Variants in PCED1A observed in about 807,000 individuals in gnomAD.
PCED1A encodes PC-esterase domain containing 1A, also known as PC-esterase domain-containing protein 1A.
A neutral mutation model predicts 41.9 loss-of-function variants in PCED1A; 20 were observed. The observed-to-expected ratio is 0.48, with a 90% CI of 0.34 to 0.69. PCED1A has a LOEUF of 0.69. PCED1A is among the 30% of genes least tolerant of loss of function. The probability of loss-of-function intolerance (pLI) is 0.01; values close to 1 mark genes in which losing one functional copy is unlikely to be tolerated. For missense variants in PCED1A, 498 were observed against 602.1 expected (o/e 0.83, Z 1.81); for synonymous variants, 236 against 241.3 (o/e 0.98, Z 0.20).
In PCED1A at chr20:2,840,193, C is replaced by T. The variant is rs1438778653; in HGVS notation, c.-22+18G>A. On this transcript the variant is annotated intron_variant, in intron 1 of 7. Transcript: ENST00000360652. ...CGCCGCCGTCCCGCGCATGCGCGCA[C>T]CCGCTCGCGCCAATTACCAAGTCCC... 6 of 321,938 alleles carry T rather than the reference C, an allele frequency of 1.9e-5. No homozygotes were observed. The highest frequency in any genetic ancestry group is 2.2e-5 in the Non-Finnish European group (4 of 178,240). 19.9% of individuals were successfully genotyped at this position (321,938 alleles called of 1,614,324 possible).
Position 2,840,631 on chromosome 20 carries a change from G to A in PCED1A, c.-442C>T. The A allele has an allele frequency of 4.5e-6, 4 of 891,998 alleles. No homozygotes were observed. The highest frequency in any genetic ancestry group is 3.0e-5 in the South Asian group (2 of 66,536). 55.3% of individuals were successfully genotyped at this position (891,998 alleles called of 1,614,324 possible). On this transcript the variant is annotated 5_prime_UTR_variant, in exon 1 of 8. Coordinates refer to ENST00000360652, the MANE Select transcript of PCED1A (RefSeq NM_022760.6). ...TACGGGCTGGGGTCTCGGGGCGGCA[G>A]CCAAGTGAGGCTGCCCACAGTGGTG...
At position 2,835,454 on chromosome 20, in the gene PCED1A, G is replaced by A. The variant is rs748619415; in HGVS notation, c.*8C>T. 12 of 1,597,622 alleles carry A rather than the reference G, an allele frequency of 7.5e-6. No homozygotes were observed. The highest frequency in any genetic ancestry group is 5.1e-5 in the Admixed American group (3 of 59,346). On this transcript the variant is annotated 3_prime_UTR_variant, in exon 8 of 8. Coordinates refer to ENST00000360652, the MANE Select transcript of PCED1A (RefSeq NM_022760.6). ...ATTGGCACATCCAGTCCCAGCCCAA[G>A]ATCCAGTCTACCCAGGCCATGTCCC...
Position 2,840,546 on chromosome 20 carries a change from G to A in PCED1A, c.-357C>T. 1.8e-6 allele frequency: 1 copy of A among 568,650 alleles called. No homozygotes were observed. Among genetic ancestry groups the A allele is most frequent in the Non-Finnish European group, 3.1e-6 (1 of 324,076 alleles). The allele number at this position is 568,650 out of a possible 1,614,324, so 35.2% of individuals were successfully genotyped here. ...CCGAAGGGAAAGCAAGGCGATGGAG[G>A]TGGCCGCCACAGGGCGCAGGAGCCA... On this transcript the variant is annotated 5_prime_UTR_variant, in exon 1 of 8. Transcript: ENST00000360652.
chr20:2,838,383 G>A lies in PCED1A; in HGVS notation c.690C>T (p.Asp230=). ...CTGCATGCCGGAAGTGAAAGTGGAG[G>A]TCTAGGACATCAAAGCAGTGGTCCC... ...LAGDHCFDVL[D]LHFHFRHAVQ... Residue 230 remains aspartate, a synonymous_variant, in exon 6 of 8, where the codon GAC becomes GAT. Transcript: ENST00000360652. The surrounding 1 kb of genome is among the most constrained non-coding windows in gnomAD (Gnocchi z 5.8). 6.2e-7 allele frequency: 1 copy of A among 1,614,262 alleles called. No homozygotes were observed. Among genetic ancestry groups the A allele is most frequent in the Non-Finnish European group, 8.5e-7 (1 of 1,180,042 alleles).
Position 2,838,637 on chromosome 20 carries a change from G to A in PCED1A, c.553C>T (p.Pro185Ser). The change falls in exon 5 of 8, where the codon CCC (proline) becomes TCC (serine). Residue 185 changes from proline to serine, a missense_variant. Physicochemically the swap from Pro to Ser is moderately conservative, Grantham distance 74. This residue lies in a region of PCED1A where 253 missense variants were observed against 369.7 expected (regional missense o/e 0.68). Coordinates refer to ENST00000360652, the MANE Select transcript of PCED1A (RefSeq NM_022760.6). The surrounding 1 kb of genome is among the most constrained non-coding windows in gnomAD (Gnocchi z 5.8). The stretch of plus-strand genomic sequence containing the variant: ...CCCCCAGTGATACGTTCCCCGAGGG[G>A]CATCGCCATGTTCCACACCAGCAGG... ...SCLLVWNMAM[P>S]LGERITGGFL... The A allele has an allele frequency of 6.2e-7, 1 of 1,614,206 alleles. No individual in the cohort carries two copies. Among genetic ancestry groups the A allele is most frequent in the Non-Finnish European group, 8.5e-7 (1 of 1,180,042 alleles).
intron 6 of PCED1A, among the ~76,000 whole-genome samples, chr20:2,836,739 C>T (rs1305549804): frequency 1.3e-5 from 2 of 152,168 alleles, no homozygotes; most frequent in Non-Finnish European, 2.9e-5. Flanking sequence ...TCACTCCCTC[C>T]TTTAATCCAA....
intron 6 of PCED1A, among the ~76,000 whole-genome samples, chr20:2,836,905 G>A (rs949605809): frequency 3.9e-5 from 6 of 152,090 alleles, no homozygotes; most frequent in African/African-American, 1.4e-4. Flanking sequence ...CCTCTTTCCT[G>A]CCAATCCAAA....
At position 2,839,085 on chromosome 20, in the gene PCED1A, A is replaced by ATGGGGCCCCC; in HGVS notation, c.205-4_205-3insGGGGGCCCCA. The ATGGGGCCCCC allele has an allele frequency of 2.0e-6, 1 of 491,572 alleles. No homozygotes were observed. Among genetic ancestry groups the ATGGGGCCCCC allele is most frequent in the Non-Finnish European group, 3.5e-6 (1 of 287,740 alleles). The allele number at this position is 491,572 out of a possible 1,614,324, so 30.5% of individuals were successfully genotyped here. A position where few individuals can be genotyped will look rare whatever the true frequency, so the allele number is the denominator to read the frequency against. On this transcript the variant is annotated splice_region_variant and splice_polypyrimidine_tract_variant and intron_variant, in intron 3 of 7. Coordinates refer to ENST00000360652, the MANE Select transcript of PCED1A (RefSeq NM_022760.6). ...TCCTGTTCAAAGCTCAGCTCCCCCT[A>ATGGGGCCCCC]CCCACCCCCCCCACCCTACTGGTCA...
rs1267574990 is a variant in PCED1A at position 2,838,088 on chromosome 20, GTT to G, written c.841+142_841+143del. On this transcript the variant is annotated intron_variant, in intron 6 of 7. Transcript: ENST00000360652. This position sits in a 1 kb window ranked among gnomAD's most constrained non-coding sequence, Gnocchi z 5.8. Reference sequence around the variant, plus strand: ...TCCGATGATCTAACCCTCCTCAGGGGTTGAGGAAGGTGCATGCAGAAGCCACA... The same window carrying G: ...TCCGATGATCTAACCCTCCTCAGGGGGAGGAAGGTGCATGCAGAAGCCACA... 3.4e-6 allele frequency: 4 copies of G among 1,191,162 alleles called. No homozygotes were observed. The African/African-American group carries it at 6.0e-5, about 18-fold the overall frequency. The allele number at this position is 1,191,162 out of a possible 1,614,324, so 73.8% of individuals were successfully genotyped here.
At chr20:2,837,703 A>G (rs1599950924) in intron 6 of PCED1A, among the ~76,000 whole-genome samples, 1 of 152,158 alleles carries the variant, frequency 6.6e-6, no homozygotes, top group African/African-American at 2.4e-5. Flanking sequence ...ACCAAGCTGC[A>G]CCAGTCACAG....
chr20:2,835,374 G>C lies in PCED1A; in HGVS notation c.*88C>G, dbSNP rs955651840. On this transcript the variant is annotated 3_prime_UTR_variant, in exon 8 of 8. Coordinates refer to ENST00000360652, the MANE Select transcript of PCED1A (RefSeq NM_022760.6). Reference sequence around the variant, plus strand: ...CAGCAATGGACAAGAACAATACCAGGCATAGCAGACACCCTAGCCCAGTAC... The same window carrying C: ...CAGCAATGGACAAGAACAATACCAGCCATAGCAGACACCCTAGCCCAGTAC... 6.1e-6 allele frequency: 9 copies of C among 1,464,892 alleles called. No individual in the cohort carries two copies. In the African/African-American group the frequency reaches 1.3e-4, roughly 21 times the overall value. The allele number at this position is 1,464,892 out of a possible 1,614,324, so 90.7% of individuals were successfully genotyped here.
chr20:2,840,441 A>T lies in PCED1A; in HGVS notation c.-252T>A. On this transcript the variant is annotated 5_prime_UTR_variant, in exon 1 of 8. Coordinates refer to ENST00000360652, the MANE Select transcript of PCED1A (RefSeq NM_022760.6). ...GTCGCTGTGGCCCCGACGGCGCCTC[A>T]GGCCTCGGCGCCTCGGGCTGCGACG... is the stretch of plus-strand genomic sequence containing the variant. 4.9e-6 allele frequency: 2 copies of T among 409,088 alleles called. No individual in the cohort carries two copies. The highest frequency in any genetic ancestry group is 8.8e-6 in the Non-Finnish European group (2 of 226,568). The allele number at this position is 409,088 out of a possible 1,614,324, so 25.3% of individuals were successfully genotyped here.
upstream of PCED1A, chr20:2,840,956 G>A: frequency 1.1e-6 from 1 of 887,350 alleles, no homozygotes; most frequent in Non-Finnish European, 1.7e-6. Flanking sequence ...CTCCCCGAGC[G>A]TCTGCCACTT....
In PCED1A at chr20:2,835,334, T is replaced by C; in HGVS notation, c.*128A>G. The stretch of plus-strand genomic sequence containing the variant: ...AGGAATTTGTCACTCTGTTCTTCCA[T>C]GCCTTTATTGGTGACAGCAATGGAC... On this transcript the variant is annotated 3_prime_UTR_variant, in exon 8 of 8. Coordinates refer to ENST00000360652, the MANE Select transcript of PCED1A (RefSeq NM_022760.6). 26 of 1,227,572 alleles carry C rather than the reference T, an allele frequency of 2.1e-5. No individual in the cohort carries two copies. Among genetic ancestry groups the C allele is most frequent in the Non-Finnish European group, 2.9e-5 (26 of 910,316 alleles). 76.0% of individuals were successfully genotyped at this position (1,227,572 alleles called of 1,614,324 possible). A position where few individuals can be genotyped will look rare whatever the true frequency, so the allele number is the denominator to read the frequency against.
rs2088871846 is a variant in PCED1A, at chr20:2,838,310, G to A, written c.763C>T (p.Arg255Cys). The A allele has an allele frequency of 6.2e-7, 1 of 1,614,228 alleles. No homozygotes were observed. Among genetic ancestry groups the A allele is most frequent in the Non-Finnish European group, 8.5e-7 (1 of 1,180,034 alleles). The stretch of plus-strand genomic sequence containing the variant: ...GTCAGAAGCAGGTGTGAGAGGTGGC[G>A]GTGTGCATGCTGGTCCCAGTGGACA... ...DGVHWDQHAH[R>C]HLSHLLLTHV... is the part of the protein sequence containing the mutation. Residue 255 changes from arginine (R) to cysteine (C), a missense_variant, in exon 6 of 8, where the codon CGC (arginine) becomes TGC (cysteine). Coordinates refer to ENST00000360652, the MANE Select transcript of PCED1A (RefSeq NM_022760.6). The surrounding 1 kb of genome is among the most constrained non-coding windows in gnomAD (Gnocchi z 5.8).
rs374175667 is a variant in PCED1A at position 2,835,591 on chromosome 20, A to G, written c.1236T>C (p.Pro412=). 20 of 1,614,036 alleles carry G rather than the reference A, an allele frequency of 1.2e-5. No homozygotes were observed. Among genetic ancestry groups the G allele is most frequent in the Non-Finnish European group, 1.6e-5 (19 of 1,179,998 alleles). Residue 412 remains proline, a synonymous_variant, in exon 8 of 8, where the codon CCT becomes CCC. Transcript: ENST00000360652. ...TTCTCCGCACATGGTAGGGGCTGTT[A>G]GGAACATAGCGTGGCATCCCCCGGT... The part of the protein sequence containing the change: ...VVHRGMPRYV[P]NSPYHVRRMG...
In PCED1A at chr20:2,836,397, T is replaced by C. The variant is rs966432609; in HGVS notation, c.842-83A>G. 3 of 1,236,178 alleles carry C rather than the reference T, an allele frequency of 2.4e-6. No individual in the cohort carries two copies. In the African/African-American group the frequency reaches 4.5e-5, roughly 18 times the overall value. The allele number at this position is 1,236,178 out of a possible 1,614,324, so 76.6% of individuals were successfully genotyped here. On this transcript the variant is annotated intron_variant, in intron 6 of 7. Transcript: ENST00000360652. ...GCCATCCACACTTCTAAAGCTCTAT[T>C]CCTTCCTCTTGGAGAGCAGAGCCAC...
intron 2 of PCED1A, 112 bp downstream of exon 2, chr20:2,839,677 G>A: frequency 1.4e-6 from 2 of 1,467,846 alleles, no homozygotes; most frequent in Non-Finnish European, 9.3e-7. Context: ...CCTACTGGAC[G>A]GAACAGACCA....
intron 2 of PCED1A, 76 bp downstream of exon 2, chr20:2,839,713 G>A (rs2088913932): frequency 6.4e-7 from 1 of 1,567,764 alleles, no homozygotes; most frequent in South Asian, 1.2e-5. Context: ...ATGTGAGATG[G>A]AAACAAATGG....
Sources: allele counts gnomAD v4.1 joint callset (sites outside exome capture counted in the v4.1 genomes callset), GRCh38; gene constraint gnomAD v4.1.1; regional missense constraint gnomAD v4.1.1; non-coding constraint Gnocchi (gnomAD v3.1); transcripts MANE v1.5; gene names NCBI Gene and HGNC (gene_info 2026-07-23, HGNC 2026-07-21).